Variants in MPPED1 observed in about 807,000 individuals in gnomAD.
MPPED1 encodes metallophosphoesterase domain-containing protein 1.
A neutral mutation model predicts 36.2 loss-of-function variants in MPPED1; 16 were observed. The observed-to-expected ratio is 0.44, with a 90% CI of 0.30 to 0.67. The LOEUF is 0.67. Among genes scored for constraint, MPPED1 ranks in the 30% least tolerant of loss-of-function variants. MPPED1 has a pLI of 0.10. For synonymous variants in MPPED1, 199 were observed against 191.3 expected, an observed-to-expected ratio of 1.04 and a Z score of -0.33; for missense variants, 307 against 453.4, an observed-to-expected ratio of 0.68 and a Z score of 2.93.
At chr22:43,459,960 G>A (rs1930887911) in intron 3 of MPPED1, among the ~76,000 whole-genome samples, 1 of 152,110 alleles carries the variant, frequency 6.6e-6, no homozygotes, top group African/African-American at 2.4e-5. Context: ...TGTAATCCCA[G>A]CACTTTGGGA....
intron 3 of MPPED1, among the ~76,000 whole-genome samples, chr22:43,445,942 C>T (rs1008048007): frequency 1.5e-4 from 20 of 135,994 alleles, no homozygotes; most frequent in South Asian, 2.3e-4. Flanking sequence ...GTGATCATGG[C>T]GCACTGCAGC....
intron 2 of MPPED1, among the ~76,000 whole-genome samples, chr22:43,429,931 T>C (rs552399143): frequency 4.0e-5 from 6 of 151,892 alleles, no homozygotes; most frequent in African/African-American, 9.7e-5. Context: ...GAAGGACAGG[T>C]GTGGGGATGC....
At chr22:43,471,343 G>T (rs1569080713) in intron 3 of MPPED1, among the ~76,000 whole-genome samples, 1 of 152,156 alleles carries the variant, frequency 6.6e-6, no homozygotes, top group African/African-American at 2.4e-5. Context: ...GGGGGCTCTG[G>T]CTGCCTCCCT....
At chr22:43,477,975 A>G (rs2146889552) in intron 4 of MPPED1, among the ~76,000 whole-genome samples, 1 of 152,260 alleles carries the variant, frequency 6.6e-6, no homozygotes, top group South Asian at 2.1e-4. Flanking sequence ...GTGGTCATTT[A>G]TTATTACTGG....
intron 4 of MPPED1, among the ~76,000 whole-genome samples, chr22:43,497,358 G>A (rs1044214476): frequency 5.9e-5 from 9 of 151,968 alleles, no homozygotes; most frequent in Admixed American, 1.3e-4. Context: ...GTGTTGGCCC[G>A]TATAATTGGG....
At chr22:43,444,279 G>GGGGGGT (rs1234228311) in intron 3 of MPPED1, among the ~76,000 whole-genome samples, 7 of 141,934 alleles carry the variant, frequency 4.9e-5, no homozygotes, top group African/African-American at 1.3e-4. Context: ...GACCCACTGG[G>GGGGGGT]GTGTGTGTGT....
In MPPED1 at chr22:43,412,082, C is replaced by T. The variant is rs1016912530; in HGVS notation, c.-155C>T. 1.0e-6 allele frequency: 1 copy of T among 979,562 alleles called. No homozygotes were observed. The highest frequency in any genetic ancestry group is 1.2e-4 in the East Asian group (1 of 8,680). The allele number at this position is 979,562 out of a possible 1,614,324, so 60.7% of individuals were successfully genotyped here. On this transcript the variant is annotated 5_prime_UTR_variant, in exon 1 of 7. Coordinates refer to ENST00000443721, the MANE Select transcript of MPPED1 (RefSeq NM_001044370.2). ...AGCCCCCGCCCCTGCGCGCCTCCCT[C>T]CCGGGAGCCCCTGCCTCCCTCGGTG...
At chr22:43,464,965 C>G (rs76970628) in intron 3 of MPPED1, among the ~76,000 whole-genome samples, 1 of 152,166 alleles carries the variant, frequency 6.6e-6, no homozygotes, top group African/African-American at 2.4e-5. Context: ...CCCCTTGGTT[C>G]CCACCATCTG....
intron 4 of MPPED1, among the ~76,000 whole-genome samples, chr22:43,487,487 G>A (rs1047429752): frequency 1.3e-5 from 2 of 152,208 alleles, no homozygotes; most frequent in African/African-American, 2.4e-5. Context: ...GGCTGGGCTT[G>A]TCCTGGAAGC....
intron 3 of MPPED1, among the ~76,000 whole-genome samples, chr22:43,449,942 G>A (rs1438857383): frequency 6.6e-6 from 1 of 152,244 alleles, no homozygotes; most frequent in Non-Finnish European, 1.5e-5. Flanking sequence ...AAGCAGAAAG[G>A]CAGTGGAGGC....
intron 3 of MPPED1, among the ~76,000 whole-genome samples, chr22:43,462,131 A>G (rs775867796): frequency 1.1e-4 from 17 of 152,096 alleles, no homozygotes; most frequent in South Asian, 1.0e-3. Flanking sequence ...ATCAACCTTA[A>G]TTGTGGCCCA....
chr22:43,463,335 T>C (rs949511790), intron 3 of MPPED1, among the ~76,000 whole-genome samples: 4 of 141,510 alleles, frequency 2.8e-5, no homozygotes, highest in South Asian at 2.1e-4. Context: ...TTTTTTCTTT[T>C]TTTTTTTTTT....
chr22:43,436,139 G>A (rs80083000), intron 3 of MPPED1, among the ~76,000 whole-genome samples: 3,479 of 152,276 alleles, frequency 0.023, 154 homozygotes, highest in African/African-American at 0.08. Context: ...TAAACCTAGG[G>A]GACCCCCTGG....
intron 3 of MPPED1, among the ~76,000 whole-genome samples, chr22:43,442,363 G>A (rs1416615754): frequency 6.6e-6 from 1 of 151,842 alleles, no homozygotes; most frequent in African/African-American, 2.4e-5. Flanking sequence ...CTGCCTGGGT[G>A]CACCTCGCTC....
chr22:43,420,354 A>G (rs1354399007), intron 1 of MPPED1, among the ~76,000 whole-genome samples: 1 of 151,734 alleles, frequency 6.6e-6, no homozygotes, highest in Non-Finnish European at 1.5e-5. Context: ...CCAGGTTCTC[A>G]TTCCCCAGGT....
At chr22:43,414,230 A>C (rs1450931851) in intron 1 of MPPED1, among the ~76,000 whole-genome samples, 2 of 152,246 alleles carry the variant, frequency 1.3e-5, no homozygotes, top group East Asian at 3.8e-4. Flanking sequence ...TTAAATCTTC[A>C]TCCAATGAAT....
At chr22:43,466,248 C>G (rs1384595605) in intron 3 of MPPED1, among the ~76,000 whole-genome samples, 1 of 152,168 alleles carries the variant, frequency 6.6e-6, no homozygotes, top group African/African-American at 2.4e-5. Context: ...CCATGAGGAC[C>G]CGTGGAGGCT....
At position 43,474,489 on chromosome 22, in the gene MPPED1, G is replaced by A. The variant is rs576677024; in HGVS notation, c.407-247G>A. ...CGATTCCAGCAGCTTCCTCCTGCCC[G>A]CCCCTCTCTCAGCCATGCTGTGGCT... On this transcript the variant is annotated intron_variant, in intron 3 of 6. Coordinates refer to ENST00000443721, the MANE Select transcript of MPPED1 (RefSeq NM_001044370.2). The surrounding 1 kb of genome is among the most constrained non-coding windows in gnomAD (Gnocchi z 5.2). 4.6e-5 allele frequency among the ~76,000 whole-genome samples: 7 copies of A among 152,220 alleles called. No individual in the cohort carries two copies. Among genetic ancestry groups the A allele is most frequent in the Non-Finnish European group, 8.8e-5 (6 of 68,046 alleles).
chr22:43,496,376 G>A (rs1602018698), intron 4 of MPPED1, among the ~76,000 whole-genome samples: 1 of 77,606 alleles, frequency 1.3e-5, no homozygotes, highest in Non-Finnish European at 2.2e-5. Context: ...GGTGGTGGAG[G>A]TAGTGGTGGT....
Sources: allele counts gnomAD v4.1 joint callset (sites outside exome capture counted in the v4.1 genomes callset), GRCh38; gene constraint gnomAD v4.1.1; non-coding constraint Gnocchi (gnomAD v3.1); transcripts MANE v1.5; gene names NCBI Gene and HGNC (gene_info 2026-07-23, HGNC 2026-07-21).